POGZ: variants seen among roughly 807,000 people sequenced by gnomAD.
The protein encoded by POGZ is pogo transposable element derived with ZNF domain.
POGZ carries 17 observed loss-of-function variants against 134.6 expected under a neutral mutation model. The ratio of observed to expected loss-of-function variants is 0.13; its 90% confidence interval spans 0.09 to 0.19. The LOEUF is 0.19. Among genes scored for constraint, POGZ ranks in the 10% least tolerant of loss-of-function variants. The pLI is 1.00. For missense variants in POGZ, 1,306 were observed against 1,769.7 expected (o/e 0.74, Z 4.70); for synonymous variants, 693 against 657.1 (o/e 1.05, Z -0.84).
intron 5 of POGZ, 31 bp from the exon 6 acceptor site, chr1:151,428,444 G>C: frequency 1.2e-6 from 2 of 1,602,642 alleles, no homozygotes; most frequent in Non-Finnish European, 1.7e-6. Context: ...ACCAGATCTT[G>C]GTCAGTGAGC....
Position 151,405,906 on chromosome 1 carries a change from T to A in POGZ, c.3129A>T (p.Leu1043=), listed in dbSNP as rs559229661. The A allele has an allele frequency of 1.2e-6, 2 of 1,614,192 alleles. No homozygotes were observed. The highest frequency in any genetic ancestry group is 2.7e-5 in the African/African-American group (2 of 75,040). The change falls in exon 19 of 19, where the codon CTA becomes CTT. Residue 1043 remains leucine, a synonymous_variant. Coordinates refer to ENST00000271715, the MANE Select transcript of POGZ (RefSeq NM_015100.4). The surrounding 1 kb of genome is among the most constrained non-coding windows in gnomAD (Gnocchi z 4.9). The part of the protein sequence containing the change: ...EWVLTQREQQ[L]PVNEETLFQK... ...GGAACAAGGTCTCCTCATTTACAGG[T>A]AGCTGTTGTTCGCGCTGGGTTAGCA... is the stretch of plus-strand genomic sequence containing the variant.
Position 151,427,890 on chromosome 1 carries a change from C to T in POGZ, c.1011G>A (p.Val337=), listed in dbSNP as rs1300590272. Residue 337 remains valine (V), a synonymous_variant, in exon 7 of 19, where the codon GTG becomes GTA. Coordinates refer to ENST00000271715, the MANE Select transcript of POGZ (RefSeq NM_015100.4). ...IPSLGQSPGP[V]VVSNNSSAHG... Reference sequence around the variant, plus strand: ...GAGCAGAGCTGTTGTTGGACACCACCACTGGCCCAGGACTCTGGCCCAGGG... The same window carrying T: ...GAGCAGAGCTGTTGTTGGACACCACTACTGGCCCAGGACTCTGGCCCAGGG... 4 of 1,614,166 alleles carry T rather than the reference C, an allele frequency of 2.5e-6. No individual in the cohort carries two copies. The highest frequency in any genetic ancestry group is 3.4e-6 in the Non-Finnish European group (4 of 1,180,026).
intron 8 of POGZ, 171 bp from the exon 9 acceptor site, chr1:151,424,457 TC>T: frequency 1.9e-6 from 1 of 534,928 alleles, no homozygotes; most frequent in South Asian, 3.1e-5. Context: ...CTAGAGTATA[TC>T]CACATATGCC....
intron 12 of POGZ, among the ~76,000 whole-genome samples, chr1:151,409,822 T>G (rs1056333523): frequency 6.6e-6 from 1 of 152,238 alleles, no homozygotes; most frequent in Non-Finnish European, 1.5e-5. Flanking sequence ...TATACAGATA[T>G]GTCTCCTGGT....
At chr1:151,440,771 G>A in intron 3 of POGZ, 157 bp downstream of exon 3, 1 of 590,062 alleles carries the variant, frequency 1.7e-6, no homozygotes, top group Non-Finnish European at 3.0e-6. Context: ...ACCATCTACA[G>A]AAATCACTTC....
At chr1:151,448,458 TA>T (rs987088685) in intron 1 of POGZ, among the ~76,000 whole-genome samples, 5 of 152,186 alleles carry the variant, frequency 3.3e-5, no homozygotes, top group South Asian at 2.1e-4. Flanking sequence ...TTAAAATTTT[TA>T]AAAAATTATT....
intron 2 of POGZ, among the ~76,000 whole-genome samples, chr1:151,441,626 A>G (rs1227583967): frequency 6.6e-6 from 1 of 152,200 alleles, no homozygotes; most frequent in Admixed American, 6.5e-5. Context: ...AACAAGCCTA[A>G]ATTTGTAAAC....
At position 151,403,896 on chromosome 1, in the gene POGZ, A is replaced by T; in HGVS notation, c.*906T>A. On this transcript the variant is annotated 3_prime_UTR_variant, in exon 19 of 19. Coordinates refer to ENST00000271715, the MANE Select transcript of POGZ (RefSeq NM_015100.4). ...TTACAGGATGAAGACTCAAACTGGGAATGGCTTCCACCCTAAAACTGTTTG... is the reference window on the plus strand; with the variant it reads ...TTACAGGATGAAGACTCAAACTGGGTATGGCTTCCACCCTAAAACTGTTTG... 1.0e-6 allele frequency: 1 copy of T among 985,458 alleles called. No homozygotes were observed. The highest frequency in any genetic ancestry group is 1.2e-6 in the Non-Finnish European group (1 of 829,926). The allele number at this position is 985,458 out of a possible 1,614,324, so 61.0% of individuals were successfully genotyped here.
intron 10 of POGZ, among the ~76,000 whole-genome samples, chr1:151,418,446 G>A (rs1656180993): frequency 6.6e-6 from 1 of 152,110 alleles, no homozygotes; most frequent in South Asian, 2.1e-4. Context: ...AAGAGTAGGG[G>A]AGTAGAGAGT....
At chr1:151,444,736 GTTCT>G (rs1421652357) in intron 1 of POGZ, among the ~76,000 whole-genome samples, 1 of 152,188 alleles carries the variant, frequency 6.6e-6, no homozygotes, top group Non-Finnish European at 1.5e-5. Context: ...AAGAGTTTCA[GTTCT>G]TTATTTTATA....
chr1:151,440,619 A>ACAAC (rs988122556), intron 3 of POGZ, among the ~76,000 whole-genome samples: 10 of 152,144 alleles, frequency 6.6e-5, no homozygotes, highest in African/African-American at 2.4e-4. Flanking sequence ...AGAAACAAAA[A>ACAAC]CAACCAACCA....
At chr1:151,457,113 C>A (rs1374566159) in intron 1 of POGZ, among the ~76,000 whole-genome samples, 1 of 152,144 alleles carries the variant, frequency 6.6e-6, no homozygotes, top group African/African-American at 2.4e-5. Flanking sequence ...GTCATCTGTC[C>A]ACACTTTGAG....
intron 3 of POGZ, among the ~76,000 whole-genome samples, chr1:151,440,229 T>C (rs960013928): frequency 6.6e-6 from 1 of 151,916 alleles, no homozygotes; most frequent in Non-Finnish European, 1.5e-5. Flanking sequence ...GCATATATTA[T>C]TTTTGTAGTA....
chr1:151,410,600 G>A (rs1284585621), intron 12 of POGZ, among the ~76,000 whole-genome samples: 1 of 152,056 alleles, frequency 6.6e-6, no homozygotes, highest in East Asian at 1.9e-4. Context: ...CAGGGTTGGG[G>A]GGCCCATGGT....
At chr1:151,435,348 T>C (rs1244745566) in intron 3 of POGZ, among the ~76,000 whole-genome samples, 2 of 152,218 alleles carry the variant, frequency 1.3e-5, no homozygotes, top group South Asian at 2.1e-4. Context: ...AATTAAGCAA[T>C]AGTTTATTTC....
intron 1 of POGZ, among the ~76,000 whole-genome samples, chr1:151,456,809 G>A (rs1381138401): frequency 2.6e-5 from 4 of 152,140 alleles, no homozygotes; most frequent in Admixed American, 6.5e-5. Flanking sequence ...AACCAGGGAG[G>A]AAGAGATTGC....
intron 1 of POGZ, chr1:151,451,182 G>A (rs1377988101): frequency 6.7e-6 from 1 of 150,244 alleles, no homozygotes; most frequent in Non-Finnish European, 1.5e-5. Flanking sequence ...ATAAACTACT[G>A]ACTAATAATT....
chr1:151,420,469 A>C (rs889576117), intron 10 of POGZ, among the ~76,000 whole-genome samples: 2 of 152,014 alleles, frequency 1.3e-5, no homozygotes, highest in Admixed American at 1.3e-4. Flanking sequence ...GGCGTGCGCC[A>C]CCACACCCAA....
Position 151,404,909 on chromosome 1 carries a change from C to T in POGZ, c.4126G>A (p.Glu1376Lys). ...SSTPRPRSSP[E>K]ETIEPESLHQ... ...AGACTTTCAGGCTCAATTGTCTCTT[C>T]AGGAGATGATCTGGGTCGTGGAGTG... The change falls in exon 19 of 19, where the codon GAA (glutamate) becomes AAA (lysine). Residue 1376 changes from glutamate to lysine, a missense_variant. This residue lies in a region of POGZ where 107 missense variants were observed against 97.9 expected (regional missense o/e 1.09). Coordinates refer to ENST00000271715, the MANE Select transcript of POGZ (RefSeq NM_015100.4). 1 of 1,614,196 alleles carries T rather than the reference C, an allele frequency of 6.2e-7. No homozygotes were observed. Among genetic ancestry groups the T allele is most frequent in the South Asian group, 1.1e-5 (1 of 91,082 alleles).
Sources: gnomAD v4.1 joint callset for allele counts (sites outside exome capture counted in the v4.1 genomes callset) on GRCh38, gnomAD v4.1.1 for gene constraint, gnomAD v4.1.1 regional missense constraint, Gnocchi (gnomAD v3.1) non-coding constraint, MANE v1.5 for transcripts, NCBI Gene and HGNC (gene_info 2026-07-23, HGNC 2026-07-21) for gene names.